Variants in ROBO1 observed in about 807,000 individuals in gnomAD.
ROBO1 encodes roundabout guidance receptor 1, also known as roundabout homolog 1.
ROBO1 carries 149 observed loss-of-function variants against 195.9 expected under a neutral mutation model. The ratio of observed to expected loss-of-function variants is 0.76; its 90% CI spans 0.67 to 0.87. ROBO1 has a LOEUF of 0.87. ROBO1 is among the 40% of genes least tolerant of loss of function. The probability of loss-of-function intolerance (pLI) is 0.00; values close to 1 mark genes in which losing one functional copy is unlikely to be tolerated. For missense variants in ROBO1, 1,933 were observed against 2,068.3 expected, an observed-to-expected ratio of 0.93 and a Z score of 1.27; for synonymous variants, 816 against 733.2, an observed-to-expected ratio of 1.11 and a Z score of -1.82.
intron 5 of ROBO1, among the ~76,000 whole-genome samples, chr3:78,740,520 G>A (rs2082505148): frequency 6.8e-6 from 1 of 148,112 alleles, no homozygotes; most frequent in Non-Finnish European, 1.5e-5. Context: ...TGCCCAGGCT[G>A]GAGTGCAATG....
At chr3:79,665,845 A>G (rs1297349082) in intron 1 of ROBO1, among the ~76,000 whole-genome samples, 1 of 151,954 alleles carries the variant, frequency 6.6e-6, no homozygotes, top group Non-Finnish European at 1.5e-5. Flanking sequence ...CAAGGCTTTA[A>G]AAGACCTTAA....
At chr3:79,605,162 C>T (rs1944444801) in intron 1 of ROBO1, among the ~76,000 whole-genome samples, 1 of 151,906 alleles carries the variant, frequency 6.6e-6, no homozygotes. Context: ...TTTGGAAACC[C>T]TTCTCTTAGA....
intron 25 of ROBO1, among the ~76,000 whole-genome samples, chr3:78,629,264 T>G (rs1705019612): frequency 6.6e-6 from 1 of 152,120 alleles, no homozygotes; most frequent in African/African-American, 2.4e-5. Flanking sequence ...GAATCAGTCT[T>G]TCTCCTTGGG....
At chr3:79,601,295 A>G (rs1229473833) in intron 1 of ROBO1, among the ~76,000 whole-genome samples, 1 of 151,994 alleles carries the variant, frequency 6.6e-6, no homozygotes, top group Non-Finnish European at 1.5e-5. Flanking sequence ...TCAGATAAAT[A>G]TAAGTAGGAG....
chr3:79,482,897 T>C (rs1458527611), intron 2 of ROBO1, among the ~76,000 whole-genome samples: 1 of 152,146 alleles, frequency 6.6e-6, no homozygotes, highest in Non-Finnish European at 1.5e-5. Flanking sequence ...AAGTCCATTT[T>C]CCTCTTCTTC....
intron 1 of ROBO1, among the ~76,000 whole-genome samples, chr3:79,668,326 T>G (rs1486502285): frequency 6.6e-6 from 1 of 151,528 alleles, no homozygotes; most frequent in African/African-American, 2.4e-5. Context: ...ACACCATCCT[T>G]TTAAAACATG....
At chr3:78,957,339 T>C (rs1576466503) in intron 3 of ROBO1, among the ~76,000 whole-genome samples, 1 of 148,868 alleles carries the variant, frequency 6.7e-6, no homozygotes. Flanking sequence ...ACAAAAACAG[T>C]AAGTGGTACC....
chr3:79,345,979 G>C (rs1400457596), intron 2 of ROBO1, among the ~76,000 whole-genome samples: 1 of 152,044 alleles, frequency 6.6e-6, no homozygotes, highest in Non-Finnish European at 1.5e-5. Context: ...TTCTGCAACT[G>C]GTAAACACAC....
At chr3:78,990,193 G>A (rs1167352644) in intron 3 of ROBO1, among the ~76,000 whole-genome samples, 7 of 152,074 alleles carry the variant, frequency 4.6e-5, no homozygotes, top group African/African-American at 1.7e-4. Context: ...TTTCCCCCTT[G>A]GTGTTCTTTC....
chr3:79,750,024 C>T (rs1276105182), intron 1 of ROBO1, among the ~76,000 whole-genome samples: 1 of 152,200 alleles, frequency 6.6e-6, no homozygotes, highest in Non-Finnish European at 1.5e-5. Context: ...AAGTCCAGCC[C>T]ATAAAAGCAG....
intron 2 of ROBO1, among the ~76,000 whole-genome samples, chr3:79,486,152 T>C (rs1483618353): frequency 4.6e-5 from 7 of 152,070 alleles, no homozygotes; most frequent in African/African-American, 7.2e-5. Context: ...CTCAGAAGAG[T>C]GAGCAGCATA....
chr3:79,477,326 A>G (rs890676673), intron 2 of ROBO1, among the ~76,000 whole-genome samples: 1 of 152,182 alleles, frequency 6.6e-6, no homozygotes, highest in Non-Finnish European at 1.5e-5. Flanking sequence ...ACTTAAAAGT[A>G]TCTAAACATC....
chr3:78,900,989 C>A (rs2037548593), intron 4 of ROBO1, among the ~76,000 whole-genome samples: 1 of 152,048 alleles, frequency 6.6e-6, no homozygotes, highest in South Asian at 2.1e-4. Flanking sequence ...TCCACCAAGA[C>A]ACGAACAGCC....
At chr3:78,715,089 G>C (rs1474076295) in intron 7 of ROBO1, 1 of 152,070 alleles carries the variant, frequency 6.6e-6, no homozygotes, top group South Asian at 2.1e-4. Flanking sequence ...TTTCACTTTA[G>C]TCCTCTTTTT....
chr3:79,554,923 G>A (rs1942645513), intron 2 of ROBO1, among the ~76,000 whole-genome samples: 1 of 152,034 alleles, frequency 6.6e-6, no homozygotes, highest in Admixed American at 6.6e-5. Context: ...GCGTGTAGAA[G>A]ATAAATATTT....
intron 3 of ROBO1, among the ~76,000 whole-genome samples, chr3:79,021,405 T>A (rs1208399601): frequency 6.6e-6 from 1 of 152,142 alleles, no homozygotes; most frequent in Non-Finnish European, 1.5e-5. Flanking sequence ...TGAATGTACG[T>A]TAAATAAAGA....
Position 78,663,218 on chromosome 3 carries a change from G to A in ROBO1, c.1967-1104C>T, listed in dbSNP as rs1005716164. ...GCTAAGTATCTCGGATGAAGTCCAGGGAAGCTAGGCAAGTGGAAGAGATGA... is the reference window on the plus strand; with the variant it reads ...GCTAAGTATCTCGGATGAAGTCCAGAGAAGCTAGGCAAGTGGAAGAGATGA... On this transcript the variant is annotated intron_variant, in intron 14 of 30. Transcript: ENST00000464233. 2.6e-5 allele frequency among the ~76,000 whole-genome samples: 4 copies of A among 151,100 alleles called. No homozygotes were observed. The Admixed American group carries it at 2.7e-4, about 10-fold the overall frequency.
chr3:78,732,763 T>C (rs2082311861), intron 5 of ROBO1, among the ~76,000 whole-genome samples: 1 of 152,138 alleles, frequency 6.6e-6, no homozygotes, highest in African/African-American at 2.4e-5. Context: ...GAGACAAATT[T>C]ACATTATTTC....
intron 1 of ROBO1, among the ~76,000 whole-genome samples, chr3:79,722,491 C>T (rs966146568): frequency 3.3e-5 from 5 of 152,162 alleles, no homozygotes; most frequent in Admixed American, 2.6e-4. Context: ...ACAGTTCCAT[C>T]GCCAACTGTT....
Sources: gnomAD v4.1 joint callset for allele counts (sites outside exome capture counted in the v4.1 genomes callset) on GRCh38, gnomAD v4.1.1 for gene constraint, MANE v1.5 for transcripts, NCBI Gene and HGNC (gene_info 2026-07-23, HGNC 2026-07-21) for gene names.